Variants in LHX1 observed in about 807,000 individuals in gnomAD.
LHX1 encodes LIM homeobox 1.
Under a neutral mutation model 34.1 loss-of-function variants are expected in LHX1, and 9 were observed. That is an observed-to-expected ratio of 0.26 (90% CI 0.16 to 0.46). The LOEUF is 0.46. Ranked by LOEUF, LHX1 falls within the 20% of genes least tolerant of loss-of-function variation. The pLI, the probability that LHX1 is intolerant of heterozygous loss-of-function variation, is 1.00. For missense variants in LHX1, 446 were observed against 559.1 expected (o/e 0.80, Z 2.04); for synonymous variants, 254 against 241.5 (o/e 1.05, Z -0.48).
intron 3 of LHX1, 174 bp downstream of exon 3, chr17:36,941,061 G>A: frequency 9.8e-7 from 1 of 1,019,016 alleles, no homozygotes; most frequent in Non-Finnish European, 1.5e-6. Flanking sequence ...ATGCCTTCGA[G>A]CATCTAGAAA....
chr17:36,940,482 C>T lies in LHX1; in HGVS notation c.363C>T (p.Asn121=). The T allele has an allele frequency of 6.2e-7, 1 of 1,614,054 alleles. No individual in the cohort carries two copies. The highest frequency in any genetic ancestry group is 8.5e-7 in the Non-Finnish European group (1 of 1,180,052). ...KFVCKEDYLS[N]SSVAKENSLH... ...TCTGCAAAGAGGATTACCTAAGTAA[C>T]AGCAGTGTTGCCAAAGAGAACAGCC... The change falls in exon 2 of 5, where the codon AAC becomes AAT. Residue 121 remains asparagine, a synonymous_variant. Coordinates refer to ENST00000614239, the MANE Select transcript of LHX1 (RefSeq NM_005568.5).
At position 36,942,971 on chromosome 17, in the gene LHX1, CGCCCAGCCCCGA is replaced by C. The variant is rs772208590; in HGVS notation, c.1070_1081del (p.Pro357_Ser360del). ...ATCCTGGCGCACCCACCCGGGGACT[CGCCCAGCCCCGA>C]GCCCAGCCTGCCCGGGCCTCTGCAC... On this transcript the variant is annotated inframe_deletion, in exon 5 of 5. Coordinates refer to ENST00000614239, the MANE Select transcript of LHX1 (RefSeq NM_005568.5). The C allele has an allele frequency of 8.1e-6, 13 of 1,610,730 alleles. No individual in the cohort carries two copies. In the East Asian group the frequency reaches 1.1e-4, roughly 14 times the overall value.
intron 1 of LHX1, 42 bp downstream of exon 1, chr17:36,938,409 G>C (rs185003058): frequency 3.7e-6 from 6 of 1,601,656 alleles, no homozygotes; most frequent in Admixed American, 1.7e-5. Context: ...ACCTCCCCGC[G>C]GGCCCTTCCC....
chr17:36,942,386 G>C (rs1251568401), intron 4 of LHX1, 21 bp downstream of exon 4: 9 of 1,566,950 alleles, frequency 5.7e-6, no homozygotes, highest in Non-Finnish European at 6.9e-6. Flanking sequence ...GCCGAATGGC[G>C]GGGCGCGGCC....
At chr17:36,938,517 C>A (rs1057001172) in intron 1 of LHX1, 150 bp downstream of exon 1, 3 of 784,522 alleles carry the variant, frequency 3.8e-6, no homozygotes, top group Non-Finnish European at 6.5e-6. Context: ...GCCTCTCCGC[C>A]AGCTGGCGCG....
Position 36,943,214 on chromosome 17 carries a change from A to G in LHX1, c.*83A>G. ...GAAAAATAGAAAAAAAAAAACATAAAAAGCAAGTCCCCACCCCCTTCCTCC... is the reference window on the plus strand; with the variant it reads ...GAAAAATAGAAAAAAAAAAACATAAGAAGCAAGTCCCCACCCCCTTCCTCC... On this transcript the variant is annotated 3_prime_UTR_variant, in exon 5 of 5. Transcript: ENST00000614239. 1 of 1,440,976 alleles carries G rather than the reference A, an allele frequency of 6.9e-7. No homozygotes were observed. Among genetic ancestry groups the G allele is most frequent in the Admixed American group, 2.3e-5 (1 of 43,290 alleles). The allele number at this position is 1,440,976 out of a possible 1,614,324, so 89.3% of individuals were successfully genotyped here.
At position 36,938,337 on chromosome 17, in the gene LHX1, G is replaced by A. The variant is rs549239223; in HGVS notation, c.140G>A (p.Gly47Asp). The change falls in exon 1 of 5, where the codon GGC becomes GAC. Residue 47 changes from glycine (G) to aspartate (D), a missense_variant. Gly to Asp is a moderately conservative substitution (Grantham distance 94). Coordinates refer to ENST00000614239, the MANE Select transcript of LHX1 (RefSeq NM_005568.5). Reference sequence around the variant, plus strand: ...ACCGAGAAGTGCTTCTCCAGGGAAGGCAAACTCTACTGCAAGAACGACTTC... The same window carrying A: ...ACCGAGAAGTGCTTCTCCAGGGAAGACAAACTCTACTGCAAGAACGACTTC... ...NLTEKCFSRE[G>D]KLYCKNDFFR... 11 of 1,614,202 alleles carry A rather than the reference G, an allele frequency of 6.8e-6. No individual in the cohort carries two copies. The highest frequency in any genetic ancestry group is 2.2e-5 in the East Asian group (1 of 44,878).
At chr17:36,938,444 C>A in intron 1 of LHX1, 77 bp downstream of exon 1, 3 of 1,453,408 alleles carry the variant, frequency 2.1e-6, no homozygotes, top group Non-Finnish European at 1.9e-6. Context: ...CAGAGGTTAG[C>A]GTGGCCTCGC....
At chr17:36,940,990 T>C (rs536523700) in intron 3 of LHX1, 103 bp downstream of exon 3, 5 of 1,517,620 alleles carry the variant, frequency 3.3e-6, no homozygotes, top group African/African-American at 2.7e-5. Flanking sequence ...AAGTGAGAGA[T>C]GGAGTCCAGA....
In LHX1 at chr17:36,937,945, G is replaced by A; in HGVS notation, c.-253G>A. On this transcript the variant is annotated 5_prime_UTR_variant, in exon 1 of 5. Coordinates refer to ENST00000614239, the MANE Select transcript of LHX1 (RefSeq NM_005568.5). ...TTTTCCTCGCCCCGGGAGCTCAGGCGGCGCCGCTCCAGCCCGGGGCCCCGG... is the reference window on the plus strand; with the variant it reads ...TTTTCCTCGCCCCGGGAGCTCAGGCAGCGCCGCTCCAGCCCGGGGCCCCGG... 1 of 601,326 alleles carries A rather than the reference G, an allele frequency of 1.7e-6. No homozygotes were observed. The highest frequency in any genetic ancestry group is 2.8e-5 in the East Asian group (1 of 35,576). 37.2% of individuals were successfully genotyped at this position (601,326 alleles called of 1,614,324 possible). A position where few individuals can be genotyped will look rare whatever the true frequency, so the allele number is the denominator to read the frequency against.
chr17:36,942,934 C>A lies in LHX1; in HGVS notation c.1024C>A (p.Arg342=). ...PGHHPSSEAQ[R]FTDILAHPPG... ...CCACCACCCGTCGAGCGAGGCGCAG[C>A]GGTTTACCGACATCCTGGCGCACCC... is the stretch of plus-strand genomic sequence containing the variant. Residue 342 remains arginine, a synonymous_variant, in exon 5 of 5, where the codon CGG becomes AGG. Transcript: ENST00000614239. 1.2e-6 allele frequency: 2 copies of A among 1,606,534 alleles called. No homozygotes were observed. Among genetic ancestry groups the A allele is most frequent in the Non-Finnish European group, 1.7e-6 (2 of 1,177,098 alleles).
rs2070774822 is a variant in LHX1, at chr17:36,942,832, C to T, written c.922C>T (p.Pro308Ser). ...QGPPSSQAQT[P>S]VDLPFVPSSG... ...CCCCCCGTCCTCGCAGGCCCAGACA[C>T]CAGTGGACCTACCCTTCGTGCCGTC... Residue 308 changes from proline to serine, a missense_variant, in exon 5 of 5, where the codon CCA becomes TCA. Pro to Ser is a moderately conservative substitution (Grantham distance 74, BLOSUM62 -1). Coordinates refer to ENST00000614239, the MANE Select transcript of LHX1 (RefSeq NM_005568.5). 1.3e-6 allele frequency: 2 copies of T among 1,585,804 alleles called. No homozygotes were observed. The highest frequency in any genetic ancestry group is 2.3e-5 in the East Asian group (1 of 44,034).
chr17:36,938,909 T>C, intron 1 of LHX1: 1 of 238,352 alleles, frequency 4.2e-6, no homozygotes, highest in Non-Finnish European at 8.4e-6. Context: ...CGCCCGGGGG[T>C]CTTCCCCAAA....
Position 36,943,378 on chromosome 17 carries a change from CGCAGACCT to C in LHX1, c.*248_*255del. On this transcript the variant is annotated 3_prime_UTR_variant, in exon 5 of 5. Transcript: ENST00000614239. ...CAGAACTGGGGCTCCCCAAAGGAAACGCAGACCTCTCCCCAACTCCCACCTGGACCCGG... is the reference window on the plus strand; with the variant it reads ...CAGAACTGGGGCTCCCCAAAGGAAACCTCCCCAACTCCCACCTGGACCCGG... 2.0e-6 allele frequency: 1 copy of C among 488,424 alleles called. No individual in the cohort carries two copies. The highest frequency in any genetic ancestry group is 2.0e-5 in the African/African-American group (1 of 50,124). The allele number at this position is 488,424 out of a possible 1,614,324, so 30.3% of individuals were successfully genotyped here. A position where few individuals can be genotyped will look rare whatever the true frequency, so the allele number is the denominator to read the frequency against.
intron 3 of LHX1, 24 bp from the exon 4 acceptor site, chr17:36,942,176 T>A (rs1303010582): frequency 6.4e-6 from 10 of 1,554,972 alleles, no homozygotes; most frequent in Non-Finnish European, 7.8e-6. Flanking sequence ...CTCGGTGGCC[T>A]CACCCCGCCG....
chr17:36,938,833 TAG>T (rs1000875830), intron 1 of LHX1: 17 of 314,570 alleles, frequency 5.4e-5, no homozygotes, highest in African/African-American at 2.6e-4. Flanking sequence ...GCCTTTTGCG[TAG>T]AGTGTCTGGG....
chr17:36,938,902 C>T, intron 1 of LHX1: 1 of 240,460 alleles, frequency 4.2e-6, no homozygotes, highest in Non-Finnish European at 8.4e-6. Context: ...TCCTGCACGC[C>T]CGGGGGTCTT....
rs1236615978 is a variant in LHX1 at position 36,940,547 on chromosome 17, C to T, written c.397+31C>T. 2.5e-6 allele frequency: 4 copies of T among 1,613,564 alleles called. No homozygotes were observed. The East Asian group carries it at 8.9e-5, about 36-fold the overall frequency. On this transcript the variant is annotated intron_variant, in intron 2 of 4. Transcript: ENST00000614239. Reference sequence around the variant, plus strand: ...GCCCCAATTCCTGGCTGGCTAGGTGCAAGCGGGTCCTGGGGGAGGAAGGCT... The same window carrying T: ...GCCCCAATTCCTGGCTGGCTAGGTGTAAGCGGGTCCTGGGGGAGGAAGGCT...
chr17:36,941,791 C>G (rs1263987526), intron 3 of LHX1, among the ~76,000 whole-genome samples: 1 of 152,212 alleles, frequency 6.6e-6, no homozygotes, highest in Non-Finnish European at 1.5e-5. Flanking sequence ...TTCTGTGTCT[C>G]TGTCATGGTT....
Sources: gnomAD v4.1 joint callset for allele counts (sites outside exome capture counted in the v4.1 genomes callset) on GRCh38, gnomAD v4.1.1 for gene constraint, MANE v1.5 for transcripts, NCBI Gene and HGNC (gene_info 2026-07-23, HGNC 2026-07-21) for gene names.